The following MYO7B variants were observed in gnomAD, a reference collection of about 807,000 sequenced individuals.
The protein encoded by MYO7B is unconventional myosin-VIIb.
A neutral mutation model predicts 259.7 loss-of-function variants in MYO7B; 212 were observed. The observed-to-expected ratio is 0.82, with a 90% CI of 0.73 to 0.91. MYO7B has a LOEUF of 0.91. MYO7B is among the 40% of genes least tolerant of loss of function. The probability of loss-of-function intolerance (pLI) is 0.00; values close to 1 mark genes in which losing one functional copy is unlikely to be tolerated. For synonymous variants in MYO7B, 1,197 were observed against 1,166.4 expected (o/e 1.03, Z -0.54); for missense variants, 2,732 against 2,813.5 (o/e 0.97, Z 0.66).
chr2:127,580,763 C>T lies in MYO7B; in HGVS notation c.1021C>T (p.Leu341=). 3.7e-6 allele frequency: 6 copies of T among 1,613,442 alleles called. No homozygotes were observed. Among genetic ancestry groups the T allele is most frequent in the Non-Finnish European group, 5.1e-6 (6 of 1,179,722 alleles). Residue 341 remains leucine, a synonymous_variant, in exon 10 of 48, where the codon CTG becomes TTG. Coordinates refer to ENST00000409816, the MANE Select transcript of MYO7B (RefSeq NM_001393586.1). Reference sequence around the variant, plus strand: ...CTCTCTAGCTTCGGTCTTCGAGAACCTGGACGCCTCAGACGTGATGGAGAC... The same window carrying T: ...CTCTCTAGCTTCGGTCTTCGAGAACTTGGACGCCTCAGACGTGATGGAGAC... ...VGFMASVFEN[L]DASDVMETPA...
At chr2:127,632,128 T>C (rs1681547703) in intron 38 of MYO7B, 118 bp from the exon 39 acceptor site, 10 of 1,221,108 alleles carry the variant, frequency 8.2e-6, no homozygotes, top group Admixed American at 2.8e-5. Context: ...GCAGGTGCCC[T>C]CCCCCTCGGG....
rs1011096405 is a variant in MYO7B at position 127,607,683 on chromosome 2, A to T, written c.2643+259A>T. On this transcript the variant is annotated intron_variant, in intron 21 of 47. Transcript: ENST00000409816. This position sits in a 1 kb window ranked among gnomAD's most constrained non-coding sequence, Gnocchi z 4.4. ...AGAGACACACCGTCCTCCTCTCCCT[A>T]TTCAAAGTCAGTTCTACAATGGCTC... Among the ~76,000 whole-genome samples the T allele has an allele frequency of 6.6e-6, 1 of 152,164 alleles. No homozygotes were observed. The highest frequency in any genetic ancestry group is 1.5e-5 in the Non-Finnish European group (1 of 68,020).
At chr2:127,567,662 G>T (rs996157602) in intron 5 of MYO7B, among the ~76,000 whole-genome samples, 2 of 152,022 alleles carry the variant, frequency 1.3e-5, no homozygotes, top group Non-Finnish European at 2.9e-5. Flanking sequence ...CCACCTGGGG[G>T]ATTCATTCAT....
intron 4 of MYO7B, among the ~76,000 whole-genome samples, chr2:127,566,199 T>C (rs1009030837): frequency 3.3e-5 from 5 of 152,082 alleles, no homozygotes; most frequent in Non-Finnish European, 7.4e-5. Flanking sequence ...TGGGGCTGGG[T>C]GGGGGCTCCA....
In MYO7B at chr2:127,610,193, G is replaced by A. The variant is rs375339496; in HGVS notation, c.3192+177G>A. On this transcript the variant is annotated intron_variant, in intron 24 of 47. Coordinates refer to ENST00000409816, the MANE Select transcript of MYO7B (RefSeq NM_001393586.1). Reference sequence around the variant, plus strand: ...GCAGGCACTTTCAGTATTGAACCATGTTCAGGAGCTCATGAATCCCCATCC... The same window carrying A: ...GCAGGCACTTTCAGTATTGAACCATATTCAGGAGCTCATGAATCCCCATCC... 3.3e-4 allele frequency among the ~76,000 whole-genome samples: 50 copies of A among 152,322 alleles called. No individual in the cohort carries two copies. The East Asian group carries it at 7.1e-3, about 22-fold the overall frequency.
intron 5 of MYO7B, among the ~76,000 whole-genome samples, chr2:127,568,909 A>AG (rs1678471128): frequency 6.6e-6 from 1 of 151,604 alleles, no homozygotes; most frequent in Non-Finnish European, 1.5e-5. Context: ...CAAAAAAAAA[A>AG]AAAGACAGTA....
intron 10 of MYO7B, 81 bp from the exon 11 acceptor site, chr2:127,581,810 C>T: frequency 6.3e-7 from 1 of 1,588,026 alleles, no homozygotes; most frequent in Admixed American, 1.7e-5. Flanking sequence ...CGAGAGGGAA[C>T]AAGACTTGGC....
In MYO7B at chr2:127,620,391, A is replaced by G; in HGVS notation, c.3450A>G (p.Thr1150=). ...ICKQLSENFK[T]SSLARGWILL... Reference sequence around the variant, plus strand: ...AGCAGCTCTCGGAGAACTTCAAAACAAGCAGCCTGGCCCGGGGCTGGATCC... The same window carrying G: ...AGCAGCTCTCGGAGAACTTCAAAACGAGCAGCCTGGCCCGGGGCTGGATCC... Residue 1150 remains threonine, a synonymous_variant, in exon 27 of 48, where the codon ACA becomes ACG. Transcript: ENST00000409816. 6.2e-7 allele frequency: 1 copy of G among 1,612,352 alleles called. No individual in the cohort carries two copies. The highest frequency in any genetic ancestry group is 8.5e-7 in the Non-Finnish European group (1 of 1,178,732).
At chr2:127,537,129 C>T (rs546878222) in intron 1 of MYO7B, among the ~76,000 whole-genome samples, 108 of 152,326 alleles carry the variant, frequency 7.1e-4, no homozygotes, top group African/African-American at 2.5e-3. Context: ...ATGAGCCGAG[C>T]AGAGGAGTTT....
chr2:127,617,513 T>TTTTG (rs1680621989), intron 26 of MYO7B, among the ~76,000 whole-genome samples: 1 of 135,810 alleles, frequency 7.4e-6, no homozygotes, highest in Non-Finnish European at 1.6e-5. Flanking sequence ...TTTTTTTTTT[T>TTTTG]GAGACGGAGT....
intron 16 of MYO7B, among the ~76,000 whole-genome samples, chr2:127,591,548 T>C (rs1469850026): frequency 6.6e-6 from 1 of 152,184 alleles, no homozygotes; most frequent in African/African-American, 2.4e-5. Context: ...GTTGTAAAGA[T>C]TCAGTGAGAA....
intron 1 of MYO7B, among the ~76,000 whole-genome samples, chr2:127,556,882 T>C (rs560259933): frequency 1.3e-5 from 2 of 152,332 alleles, no homozygotes; most frequent in East Asian, 3.9e-4. Context: ...ATGATCTTTA[T>C]GTGATGAATT....
At chr2:127,626,369 G>C (rs1365208740) in intron 31 of MYO7B, 1 of 153,184 alleles carries the variant, frequency 6.5e-6, no homozygotes, top group East Asian at 1.9e-4. Flanking sequence ...CCTGGGCTGG[G>C]GCACACAGAC....
At chr2:127,633,507 C>T (rs772665767) in intron 40 of MYO7B, 144 bp downstream of exon 40, 6 of 789,452 alleles carry the variant, frequency 7.6e-6, no homozygotes, top group African/African-American at 1.7e-5. Flanking sequence ...CCCGCCCTCT[C>T]CCCATGGGAT....
intron 16 of MYO7B, 78 bp from the exon 17 acceptor site, chr2:127,592,716 C>A: frequency 6.5e-7 from 1 of 1,531,784 alleles, no homozygotes; most frequent in East Asian, 2.4e-5. Flanking sequence ...GGGCCCGTGC[C>A]CGGTGGTGGG....
At position 127,592,800 on chromosome 2, in the gene MYO7B, G is replaced by T. The variant is rs1406541230; in HGVS notation, c.1999G>T (p.Asp667Tyr). Residue 667 changes from aspartate to tyrosine, a missense_variant, in exon 17 of 48, where the codon GAC (aspartate) becomes TAC (tyrosine). Transcript: ENST00000409816. ...GCCCGGTGTCCGCCCACAGCTGTTC[G>T]ACCGGGAGCTGTGCCTGCGGCAGCT... is the stretch of plus-strand genomic sequence containing the variant. ...PNEYKKPLLF[D>Y]RELCLRQLRY... The T allele has an allele frequency of 2.4e-5, 38 of 1,609,816 alleles. No homozygotes were observed. Among genetic ancestry groups the T allele is most frequent in the Non-Finnish European group, 3.1e-5 (37 of 1,178,714 alleles).
chr2:127,607,480 G>A lies in MYO7B; in HGVS notation c.2643+56G>A, dbSNP rs2105025437. 1 of 1,489,138 alleles carries A rather than the reference G, an allele frequency of 6.7e-7. No individual in the cohort carries two copies. Among genetic ancestry groups the A allele is most frequent in the Non-Finnish European group, 9.1e-7 (1 of 1,096,300 alleles). 92.2% of individuals were successfully genotyped at this position (1,489,138 alleles called of 1,614,324 possible). A position where few individuals can be genotyped will look rare whatever the true frequency, so the allele number is the denominator to read the frequency against. On this transcript the variant is annotated intron_variant, in intron 21 of 47. Transcript: ENST00000409816. The surrounding 1 kb of genome is among the most constrained non-coding windows in gnomAD (Gnocchi z 4.4). ...GGGGCTGGCTGGGGCCCCAGTGGGT[G>A]AGGGCAAGAAGGAGTGAGCGGCTGT... is the stretch of plus-strand genomic sequence containing the variant.
rs533441969 is a variant in MYO7B at position 127,546,554 on chromosome 2, C to T, written c.-24+10723C>T. 1.3e-5 allele frequency among the ~76,000 whole-genome samples: 2 copies of T among 152,308 alleles called. No homozygotes were observed. Among genetic ancestry groups the T allele is most frequent in the African/African-American group, 4.8e-5 (2 of 41,556 alleles). On this transcript the variant is annotated intron_variant, in intron 1 of 47. Coordinates refer to ENST00000409816, the MANE Select transcript of MYO7B (RefSeq NM_001393586.1). The surrounding 1 kb of genome is among the most constrained non-coding windows in gnomAD (Gnocchi z 4.2). ...AGGGCTTTGAGAACTAGCAGTTTACCCTTCTCTTCTCAGGTGAAGGTAACC... is the reference window on the plus strand; with the variant it reads ...AGGGCTTTGAGAACTAGCAGTTTACTCTTCTCTTCTCAGGTGAAGGTAACC...
At chr2:127,596,383 G>T (rs924530133) in intron 18 of MYO7B, 79 bp from the exon 19 acceptor site, 1 of 1,178,082 alleles carries the variant, frequency 8.5e-7, no homozygotes, top group Non-Finnish European at 1.2e-6. Context: ...TGCTACCTTC[G>T]GGAGACAGAG....
Sources: allele counts gnomAD v4.1 joint callset (sites outside exome capture counted in the v4.1 genomes callset), GRCh38; gene constraint gnomAD v4.1.1; non-coding constraint Gnocchi (gnomAD v3.1); transcripts MANE v1.5; gene names NCBI Gene and HGNC (gene_info 2026-07-23, HGNC 2026-07-21).